Variants in IBTK observed in about 807,000 individuals in gnomAD.
The protein encoded by IBTK is inhibitor of Bruton tyrosine kinase.
IBTK carries 83 observed loss-of-function variants against 154.9 expected under a neutral mutation model. The ratio of observed to expected loss-of-function variants is 0.54; its 90% confidence interval spans 0.45 to 0.64. The LOEUF is 0.64. Ranked by LOEUF, IBTK falls within the 30% of genes least tolerant of loss-of-function variation. The pLI is 0.00. For synonymous variants in IBTK, 515 were observed against 536.1 expected, an observed-to-expected ratio of 0.96 and a Z score of 0.54; for missense variants, 1,332 against 1,584.6, an observed-to-expected ratio of 0.84 and a Z score of 2.71.
At chr6:82,197,297 A>G (rs1195028239) in intron 21 of IBTK, among the ~76,000 whole-genome samples, 1 of 152,138 alleles carries the variant, frequency 6.6e-6, no homozygotes. Flanking sequence ...TTAACAAGCT[A>G]AATGTTTCTT....
rs200244615 is a variant in IBTK, at chr6:82,197,536, AT to A, written c.3026-1091del. Among the ~76,000 whole-genome samples, 9 of 151,672 alleles carry A rather than the reference AT, an allele frequency of 5.9e-5. No homozygotes were observed. In the East Asian group the frequency reaches 1.6e-3, roughly 26 times the overall value. Reference sequence around the variant, plus strand: ...AGGCATGCACCACCATGCCCGGCTAATTTTTTTTGTATTTTTACTAGAGACA... The same window carrying A: ...AGGCATGCACCACCATGCCCGGCTAATTTTTTTGTATTTTTACTAGAGACA... On this transcript the variant is annotated intron_variant, in intron 21 of 28. Coordinates refer to ENST00000306270, the MANE Select transcript of IBTK (RefSeq NM_015525.4).
In IBTK at chr6:82,214,636, T is replaced by C. The variant is rs139087984; in HGVS notation, c.1795A>G (p.Thr599Ala). ...TGGTAAATATCTGTAAATTCTGAAG[T>C]ATTACCATCTGAAAGAAACAATTTC... ...FQKLFLSDGN[T>A]SEFTDIYQKD... Residue 599 changes from threonine (T) to alanine (A), a missense_variant, in exon 12 of 29, where the codon ACT becomes GCT. Physicochemically the swap from Thr to Ala is moderately conservative, Grantham distance 58 (BLOSUM62 0). Around this residue, in one of 3 missense-constraint regions of IBTK, gnomAD observed 1,134 missense variants for 1,274.7 expected, o/e 0.89. Transcript: ENST00000306270. 3.9e-4 allele frequency: 632 copies of C among 1,614,022 alleles called. 8 individuals are homozygous for C. The South Asian group carries it at 6.4e-3, about 16-fold the overall frequency.
intron 2 of IBTK, among the ~76,000 whole-genome samples, chr6:82,239,189 C>A (rs1208754688): frequency 1.3e-5 from 2 of 151,950 alleles, no homozygotes; most frequent in Non-Finnish European, 2.9e-5. Flanking sequence ...TGCCTGTAAT[C>A]CCAGCACTTT....
intron 24 of IBTK, 135 bp from the exon 25 acceptor site, chr6:82,191,351 C>A (rs920683872): frequency 4.3e-6 from 3 of 703,268 alleles, no homozygotes; most frequent in African/African-American, 1.8e-5. Context: ...ATAATGTTTT[C>A]TATTTATTTC....
At chr6:82,183,793 T>C (rs1434119012) in intron 25 of IBTK, among the ~76,000 whole-genome samples, 1 of 152,246 alleles carries the variant, frequency 6.6e-6, no homozygotes, top group Non-Finnish European at 1.5e-5. Flanking sequence ...ACTGTGATTG[T>C]ATTGTGAGAT....
chr6:82,208,453 A>G (rs1371089963), intron 16 of IBTK, among the ~76,000 whole-genome samples: 1 of 152,196 alleles, frequency 6.6e-6, no homozygotes, highest in Non-Finnish European at 1.5e-5. Flanking sequence ...TAACAAGTCA[A>G]CATAGACAAT....
Position 82,214,346 on chromosome 6 carries a change from A to G in IBTK, c.2085T>C (p.Ser695=), listed in dbSNP as rs1769781576. ...VYKSNQAQTV[S]ERQKSKPKSC... ...ATTTAGGTTTGCTCTTCTGCCTCTC[A>G]CTAACTGTTTGAGCTTGATTACTTT... is the stretch of plus-strand genomic sequence containing the variant. The change falls in exon 12 of 29, where the codon AGT becomes AGC. Residue 695 remains serine (S), a synonymous_variant. Transcript: ENST00000306270. The G allele has an allele frequency of 6.2e-7, 1 of 1,614,032 alleles. No individual in the cohort carries two copies. The highest frequency in any genetic ancestry group is 1.3e-5 in the African/African-American group (1 of 75,038).
chr6:82,234,301 A>G, intron 2 of IBTK, 46 bp from the exon 3 acceptor site: 1 of 681,764 alleles, frequency 1.5e-6, no homozygotes. Context: ...ATATATTATT[A>G]ATTACCTATA....
At chr6:82,207,059 A>G (rs1013001102) in intron 16 of IBTK, among the ~76,000 whole-genome samples, 4 of 152,180 alleles carry the variant, frequency 2.6e-5, no homozygotes, top group Non-Finnish European at 5.9e-5. Flanking sequence ...CTTCTATTCA[A>G]CAGAGTACTA....
At chr6:82,183,345 G>A (rs1020195157) in intron 25 of IBTK, among the ~76,000 whole-genome samples, 1 of 152,078 alleles carries the variant, frequency 6.6e-6, no homozygotes, top group African/African-American at 2.4e-5. Context: ...GTGAGTCAGA[G>A]GTTGCAGTGA....
chr6:82,212,097 T>A (rs921303555), intron 13 of IBTK, among the ~76,000 whole-genome samples: 2 of 151,910 alleles, frequency 1.3e-5, no homozygotes, highest in African/African-American at 4.8e-5. Flanking sequence ...CGAGTACAAG[T>A]GATTCTCCTG....
At chr6:82,181,691 A>G (rs1768322448) in intron 26 of IBTK, among the ~76,000 whole-genome samples, 188 bp downstream of exon 26, 1 of 152,208 alleles carries the variant, frequency 6.6e-6, no homozygotes, top group Non-Finnish European at 1.5e-5. Flanking sequence ...TAAGTCAATT[A>G]TATCTCCGTA....
chr6:82,225,281 G>T (rs1376893077), intron 6 of IBTK, among the ~76,000 whole-genome samples, 196 bp downstream of exon 6: 2 of 152,006 alleles, frequency 1.3e-5, no homozygotes, highest in Admixed American at 1.3e-4. Flanking sequence ...CTGCACTCCA[G>T]CCTGGGCAAC....
rs11365653 is a variant in IBTK at position 82,231,323 on chromosome 6, AG to A, written c.543+394del. On this transcript the variant is annotated intron_variant, in intron 4 of 28. Coordinates refer to ENST00000306270, the MANE Select transcript of IBTK (RefSeq NM_015525.4). ...ATTTTTTAATGCCACCAAAAAAAAA[AG>A]AACTGTTGTTCACTTATCAAAAATA... 4.5e-3 allele frequency among the ~76,000 whole-genome samples: 685 copies of A among 152,202 alleles called. 5 individuals carry two copies. Among genetic ancestry groups the A allele is most frequent in the African/African-American group, 0.015 (624 of 41,534 alleles).
At chr6:82,220,419 T>C (rs1199773146) in intron 9 of IBTK, among the ~76,000 whole-genome samples, 171 bp downstream of exon 9, 1 of 152,108 alleles carries the variant, frequency 6.6e-6, no homozygotes. Context: ...AAATCCCACC[T>C]CCATACTAAT....
Position 82,204,981 on chromosome 6 carries a change from C to A in IBTK, c.2510-23G>T, listed in dbSNP as rs1329421388. 4 of 1,482,758 alleles carry A rather than the reference C, an allele frequency of 2.7e-6. No homozygotes were observed. The Admixed American group carries it at 7.4e-5, about 27-fold the overall frequency. The allele number at this position is 1,482,758 out of a possible 1,614,324, so 91.9% of individuals were successfully genotyped here. A position where few individuals can be genotyped will look rare whatever the true frequency, so the allele number is the denominator to read the frequency against. ...ATTCTAAAAAAAGAAAGAAAACAAG[C>A]ATCACTTTTTCTTTGTATACATTAT... On this transcript the variant is annotated intron_variant, in intron 16 of 28. Transcript: ENST00000306270.
At chr6:82,204,486 G>A (rs1769323315) in intron 17 of IBTK, among the ~76,000 whole-genome samples, 1 of 152,104 alleles carries the variant, frequency 6.6e-6, no homozygotes, top group Non-Finnish European at 1.5e-5. Flanking sequence ...TAAAATCACT[G>A]CAAATAGTAG....
At chr6:82,218,763 C>A (rs17720117) in intron 9 of IBTK, among the ~76,000 whole-genome samples, 2,509 of 152,218 alleles carry the variant, frequency 0.016, 27 homozygotes, top group Non-Finnish European at 0.024. Flanking sequence ...GTTTCATATA[C>A]CGGTATTCCA....
chr6:82,223,518 T>C lies in IBTK; in HGVS notation c.1046A>G (p.Asp349Gly), dbSNP rs1235295518. The C allele has an allele frequency of 1.2e-6, 2 of 1,614,084 alleles. No individual in the cohort carries two copies. Among genetic ancestry groups the C allele is most frequent in the South Asian group, 1.1e-5 (1 of 91,080 alleles). The change falls in exon 8 of 29, where the codon GAT becomes GGT. Residue 349 changes from aspartate to glycine, a missense_variant. Around this residue, in one of 3 missense-constraint regions of IBTK, gnomAD observed 1,134 missense variants for 1,274.7 expected, o/e 0.89. Transcript: ENST00000306270. ...DIALSLVAAS[D>G]GATVCVTTRG... is the part of the protein sequence containing the mutation. ...TGTGGTAACACAGACTGTAGCTCCA[T>C]CACTTGCAGCAACCAAAGACAGAGC...
Sources: allele counts gnomAD v4.1 joint callset (sites outside exome capture counted in the v4.1 genomes callset), GRCh38; gene constraint gnomAD v4.1.1; regional missense constraint gnomAD v4.1.1; transcripts MANE v1.5; gene names NCBI Gene and HGNC (gene_info 2026-07-23, HGNC 2026-07-21).